TBC1D14: variants seen among roughly 807,000 people sequenced by gnomAD.
The protein encoded by TBC1D14 is TBC1 domain family member 14.
TBC1D14 carries 26 observed loss-of-function variants against 79.0 expected under a neutral mutation model. The observed-to-expected ratio is 0.33, with a 90% CI of 0.24 to 0.46. The LOEUF (loss-of-function observed/expected upper bound fraction) is 0.46. Ranked by LOEUF, TBC1D14 falls within the 20% of genes least tolerant of loss-of-function variation. The pLI is 1.00. For synonymous variants in TBC1D14, 394 were observed against 349.9 expected, an observed-to-expected ratio of 1.13 and a Z score of -1.40; for missense variants, 769 against 887.6, an observed-to-expected ratio of 0.87 and a Z score of 1.70.
intron 11 of TBC1D14, 101 bp downstream of exon 11, chr4:7,010,882 C>A: frequency 7.1e-7 from 1 of 1,399,182 alleles, no homozygotes; most frequent in Non-Finnish European, 9.8e-7. Flanking sequence ...TACATTTTCT[C>A]TCTGTGAAGA....
intron 3 of TBC1D14, among the ~76,000 whole-genome samples, chr4:6,992,431 C>T (rs867963397): frequency 6.6e-6 from 1 of 152,194 alleles, no homozygotes; most frequent in African/African-American, 2.4e-5. Context: ...CCTCAGTTAC[C>T]CTGTCTTTAA....
chr4:7,024,686 C>T (rs1577192036), intron 12 of TBC1D14, among the ~76,000 whole-genome samples: 2 of 152,334 alleles, frequency 1.3e-5, no homozygotes, highest in South Asian at 2.1e-4. Flanking sequence ...CGGCGTACAG[C>T]GGCCCCTAAG....
chr4:6,938,166 A>G lies in TBC1D14; in HGVS notation c.722+14055A>G, dbSNP rs535883177. Among the ~76,000 whole-genome samples, 78 of 152,156 alleles carry G rather than the reference A, an allele frequency of 5.1e-4. 2 individuals are homozygous for G. The South Asian group carries it at 0.016, about 31-fold the overall frequency. Reference sequence around the variant, plus strand: ...GGTGTAAGAGCCTCCCCATTTGTGAACAGCACCCCATCCTCAGGGAGAGCT... The same window carrying G: ...GGTGTAAGAGCCTCCCCATTTGTGAGCAGCACCCCATCCTCAGGGAGAGCT... On this transcript the variant is annotated intron_variant, in intron 2 of 13. Transcript: ENST00000409757.
intron 1 of TBC1D14, among the ~76,000 whole-genome samples, chr4:6,920,699 T>G (rs1169119468): frequency 6.6e-6 from 1 of 152,248 alleles, no homozygotes; most frequent in African/African-American, 2.4e-5. Context: ...CAAGGCAATA[T>G]AGAGCCCAGG....
At chr4:6,979,872 A>G (rs572426324) in intron 3 of TBC1D14, among the ~76,000 whole-genome samples, 1 of 152,352 alleles carries the variant, frequency 6.6e-6, no homozygotes, top group African/African-American at 2.4e-5. Flanking sequence ...ATGATTCTAA[A>G]TGTATTTGCA....
rs574253071 is a variant in TBC1D14, at chr4:7,023,649, C to T, written c.1758-1355C>T. On this transcript the variant is annotated intron_variant, in intron 12 of 13. Coordinates refer to ENST00000409757, the MANE Select transcript of TBC1D14 (RefSeq NM_020773.3). ...CTCATGGTGTGTGCTGAGGCTCAGA[C>T]ATCAGAGCGTGGGCGTTGGAGTCAG... Among the ~76,000 whole-genome samples the T allele has an allele frequency of 2.5e-3, 374 of 152,324 alleles. 1 individual carries two copies. The highest frequency in any genetic ancestry group is 8.4e-3 in the African/African-American group (351 of 41,568).
At chr4:6,960,620 T>G (rs1024274508) in intron 2 of TBC1D14, among the ~76,000 whole-genome samples, 1 of 152,184 alleles carries the variant, frequency 6.6e-6, no homozygotes, top group African/African-American at 2.4e-5. Context: ...GTTTCCAGAC[T>G]TTATCTGACA....
At chr4:6,939,407 C>T (rs749762007) in intron 2 of TBC1D14, among the ~76,000 whole-genome samples, 3 of 151,858 alleles carry the variant, frequency 2.0e-5, no homozygotes, top group African/African-American at 4.8e-5. Context: ...CAATGCCACC[C>T]GACCAGGTCC....
Position 6,968,417 on chromosome 4 carries a change from G to T in TBC1D14, c.843+993G>T, listed in dbSNP as rs576391717. On this transcript the variant is annotated intron_variant, in intron 3 of 13. Coordinates refer to ENST00000409757, the MANE Select transcript of TBC1D14 (RefSeq NM_020773.3). ...GCTAGTTCTAACGGACTCAGCACTC[G>T]TGTTTCTAGTTCCTTTAAAACTCGC... Among the ~76,000 whole-genome samples, 32 of 152,322 alleles carry T rather than the reference G, an allele frequency of 2.1e-4. No individual in the cohort carries two copies. In the South Asian group the frequency reaches 5.6e-3, roughly 27 times the overall value.
rs749161530 is a variant in TBC1D14 at position 7,014,504 on chromosome 4, A to C, written c.1704A>C (p.Leu568Phe). The change falls in exon 12 of 14, where the codon TTA (leucine) becomes TTC (phenylalanine). Residue 568 changes from leucine (L) to phenylalanine (F), a missense_variant. Around this residue, in one of 2 missense-constraint regions of TBC1D14, gnomAD observed 367 missense variants for 494.4 expected, o/e 0.74. Coordinates refer to ENST00000409757, the MANE Select transcript of TBC1D14 (RefSeq NM_020773.3). Reference protein sequence around the residue: ...EVFFEENLPKLFAHFKKNNLT... With the variant: ...EVFFEENLPKFFAHFKKNNLT... ...TCTTTGAAGAAAATTTGCCGAAATT[A>C]TTTGCGCATTTCAAGAAGAACAACC... The C allele has an allele frequency of 1.9e-6, 3 of 1,613,990 alleles. No homozygotes were observed. In the Admixed American group the frequency reaches 5.0e-5, roughly 27 times the overall value.
chr4:6,986,723 G>C (rs1269811269), intron 3 of TBC1D14, among the ~76,000 whole-genome samples: 1 of 152,186 alleles, frequency 6.6e-6, no homozygotes, highest in African/African-American at 2.4e-5. Flanking sequence ...AAAAACCTGA[G>C]GTCTCATCGA....
At chr4:6,948,888 T>C (rs1201631859) in intron 2 of TBC1D14, among the ~76,000 whole-genome samples, 1 of 151,362 alleles carries the variant, frequency 6.6e-6, no homozygotes, top group African/African-American at 2.4e-5. Flanking sequence ...TTAGTAGAGA[T>C]GGGGTTTCAC....
chr4:6,930,216 A>C (rs541497307), intron 2 of TBC1D14, among the ~76,000 whole-genome samples: 16 of 152,286 alleles, frequency 1.1e-4, no homozygotes, highest in African/African-American at 3.6e-4. Flanking sequence ...TGGTGGGAAG[A>C]CGGTTGGAGA....
chr4:7,010,334 A>G (rs192408334), intron 10 of TBC1D14, among the ~76,000 whole-genome samples: 1 of 152,322 alleles, frequency 6.6e-6, no homozygotes, highest in African/African-American at 2.4e-5. Flanking sequence ...GATAGATAAC[A>G]CAAGTCTACG....
intron 3 of TBC1D14, among the ~76,000 whole-genome samples, chr4:6,988,940 G>T (rs1276551405): frequency 1.5e-5 from 2 of 131,252 alleles, no homozygotes; most frequent in African/African-American, 6.0e-5. Flanking sequence ...GCCCTGGTGC[G>T]GTTATGGCTT....
At chr4:6,968,042 G>T (rs1198407366) in intron 3 of TBC1D14, among the ~76,000 whole-genome samples, 1 of 152,188 alleles carries the variant, frequency 6.6e-6, no homozygotes, top group Non-Finnish European at 1.5e-5. Flanking sequence ...AGCTGTGACC[G>T]TCGCTGCCTG....
intron 13 of TBC1D14, among the ~76,000 whole-genome samples, chr4:7,025,896 G>A (rs1722322151): frequency 6.6e-6 from 1 of 152,080 alleles, no homozygotes; most frequent in South Asian, 2.1e-4. Flanking sequence ...CCTGTTCCGA[G>A]TCTTTGTCAT....
At chr4:7,010,118 G>T (rs1455728320) in intron 10 of TBC1D14, among the ~76,000 whole-genome samples, 170 bp downstream of exon 10, 5 of 152,214 alleles carry the variant, frequency 3.3e-5, no homozygotes, top group Non-Finnish European at 5.9e-5. Flanking sequence ...TCCTCTTAAA[G>T]AAATTGAGCT....
intron 3 of TBC1D14, among the ~76,000 whole-genome samples, chr4:6,968,956 G>T (rs1168911045): frequency 3.9e-5 from 6 of 152,222 alleles, no homozygotes; most frequent in Non-Finnish European, 8.8e-5. Flanking sequence ...TGACCTGTTA[G>T]GTGTAGGGAG....
Sources: gnomAD v4.1 joint callset for allele counts (sites outside exome capture counted in the v4.1 genomes callset) on GRCh38, gnomAD v4.1.1 for gene constraint, gnomAD v4.1.1 regional missense constraint, MANE v1.5 for transcripts, NCBI Gene and HGNC (gene_info 2026-07-23, HGNC 2026-07-21) for gene names.